Variants in CCSER2 observed in about 807,000 individuals in gnomAD.
The protein encoded by CCSER2 is serine-rich coiled-coil domain-containing protein 2.
CCSER2 carries 46 observed loss-of-function variants against 92.3 expected under a neutral mutation model. The ratio of observed to expected loss-of-function variants is 0.50; its 90% CI spans 0.39 to 0.64. The LOEUF (loss-of-function observed/expected upper bound fraction) is 0.64, where lower values mean the gene tolerates loss of function less well. Among genes scored for constraint, CCSER2 ranks in the 30% least tolerant of loss-of-function variants. The pLI, the probability that CCSER2 is intolerant of heterozygous loss-of-function variation, is 0.00. For missense variants in CCSER2, 1,244 were observed against 1,238.9 expected (o/e 1.00, Z -0.06); for synonymous variants, 433 against 431.4 (o/e 1.00, Z -0.04).
At chr10:84,387,654 G>A (rs1463374756) in intron 3 of CCSER2, among the ~76,000 whole-genome samples, 6 of 151,754 alleles carry the variant, frequency 4.0e-5, no homozygotes, top group African/African-American at 1.2e-4. Context: ...TCAGCCTCCC[G>A]AGTAGCTGGA....
intron 9 of CCSER2, among the ~76,000 whole-genome samples, chr10:84,490,142 A>T (rs1205658027): frequency 6.6e-6 from 1 of 152,044 alleles, no homozygotes; most frequent in African/African-American, 2.4e-5. Flanking sequence ...TTTGTGGGTA[A>T]CCCAGCCTTT....
Position 84,444,391 on chromosome 10 carries a change from A to C in CCSER2, c.2064+5684A>C, listed in dbSNP as rs546261181. On this transcript the variant is annotated intron_variant, in intron 6 of 9. Coordinates refer to ENST00000372088, the MANE Select transcript of CCSER2 (RefSeq NM_001284240.2). The stretch of plus-strand genomic sequence containing the variant: ...TTTAGGAGGCTGTTGCATCCATTCA[A>C]ATTTTAGGCTAAAGTCGTTAAATTT... Among the ~76,000 whole-genome samples, 13 of 152,312 alleles carry C rather than the reference A, an allele frequency of 8.5e-5. No homozygotes were observed. The South Asian group carries it at 1.7e-3, about 19-fold the overall frequency.
intron 6 of CCSER2, among the ~76,000 whole-genome samples, chr10:84,444,798 GC>G (rs1324797731): frequency 1.3e-5 from 2 of 152,054 alleles, no homozygotes; most frequent in African/African-American, 4.8e-5. Context: ...ATTATATTTG[GC>G]CTTTGATCTT....
chr10:84,387,617 C>T (rs1230509967), intron 3 of CCSER2, among the ~76,000 whole-genome samples: 1 of 152,044 alleles, frequency 6.6e-6, no homozygotes, highest in African/African-American at 2.4e-5. Flanking sequence ...TAAGCTCCGC[C>T]TCCTGGGTTC....
chr10:84,423,623 T>C (rs1203722777), intron 4 of CCSER2, among the ~76,000 whole-genome samples: 1 of 152,178 alleles, frequency 6.6e-6, no homozygotes, highest in African/African-American at 2.4e-5. Context: ...TTTTGGACAA[T>C]ATTTCTTGCT....
chr10:84,514,309 C>T lies in CCSER2; in HGVS notation c.*42C>T. 1 of 1,358,518 alleles carries T rather than the reference C, an allele frequency of 7.4e-7. No individual in the cohort carries two copies. The highest frequency in any genetic ancestry group is 1.0e-6 in the Non-Finnish European group (1 of 997,590). The allele number at this position is 1,358,518 out of a possible 1,614,324, so 84.2% of individuals were successfully genotyped here. A position where few individuals can be genotyped will look rare whatever the true frequency, so the allele number is the denominator to read the frequency against. On this transcript the variant is annotated 3_prime_UTR_variant, in exon 10 of 10. Transcript: ENST00000372088. ...TGCCAATTTGTTTCTTAAAAACAAT[C>T]TCTTCTGTAATAGCTTTATGTGCAG... is the stretch of plus-strand genomic sequence containing the variant.
At chr10:84,499,894 C>G in intron 9 of CCSER2, 1 of 1,614,084 alleles carries the variant, frequency 6.2e-7, no homozygotes, top group Non-Finnish European at 8.5e-7. Flanking sequence ...TCTGCTCCCT[C>G]CTTCTCTCCT....
intron 3 of CCSER2, among the ~76,000 whole-genome samples, chr10:84,415,759 G>C (rs929453347): frequency 6.6e-6 from 1 of 152,216 alleles, no homozygotes; most frequent in Admixed American, 6.5e-5. Context: ...GACTGGATCA[G>C]CTGAGTTGAC....
rs530429209 is a variant in CCSER2, at chr10:84,342,327, T to G, written c.-40+13519T>G. On this transcript the variant is annotated intron_variant, in intron 1 of 9. Transcript: ENST00000372088. The stretch of plus-strand genomic sequence containing the variant: ...AGGCAGCCTGGGAATAAAGAATATC[T>G]CTGTCACATATTCCTTATTTTTTAC... Among the ~76,000 whole-genome samples, 15 of 152,316 alleles carry G rather than the reference T, an allele frequency of 9.8e-5. No individual in the cohort carries two copies. In the East Asian group the frequency reaches 2.9e-3, roughly 29 times the overall value.
In CCSER2 at chr10:84,399,512, A is replaced by G. The variant is rs1842007546; in HGVS notation, c.1615-18259A>G. Among the ~76,000 whole-genome samples the G allele has an allele frequency of 4.6e-5, 7 of 152,156 alleles. No individual in the cohort carries two copies. In the South Asian group the frequency reaches 1.4e-3, roughly 31 times the overall value. On this transcript the variant is annotated intron_variant, in intron 3 of 9. Coordinates refer to ENST00000372088, the MANE Select transcript of CCSER2 (RefSeq NM_001284240.2). ...GAACACTGGATTAGAAGTCGGGATGAGTGTTAGTCTGGATTTATTTATTTT... is the reference window on the plus strand; with the variant it reads ...GAACACTGGATTAGAAGTCGGGATGGGTGTTAGTCTGGATTTATTTATTTT...
intron 9 of CCSER2, among the ~76,000 whole-genome samples, chr10:84,513,244 C>G (rs578205495): frequency 6.6e-6 from 1 of 151,900 alleles, no homozygotes; most frequent in Admixed American, 6.6e-5. Flanking sequence ...GTGTTTACTG[C>G]CTGTATCATT....
At chr10:84,438,479 C>G in intron 5 of CCSER2, 33 bp from the exon 6 acceptor site, 1 of 1,192,184 alleles carries the variant, frequency 8.4e-7, no homozygotes, top group Non-Finnish European at 1.2e-6. Flanking sequence ...TATTGTATAT[C>G]TTTTCCCTCC....
chr10:84,447,947 C>G (rs1192072008), intron 6 of CCSER2, among the ~76,000 whole-genome samples: 5 of 152,148 alleles, frequency 3.3e-5, no homozygotes, highest in African/African-American at 4.8e-5. Flanking sequence ...GTATGCCCCA[C>G]CATACCCGGC....
chr10:84,399,374 A>G (rs913502375), intron 3 of CCSER2, among the ~76,000 whole-genome samples: 4 of 152,084 alleles, frequency 2.6e-5, no homozygotes, highest in Non-Finnish European at 5.9e-5. Flanking sequence ...ATTCTTTTTT[A>G]TGGCTGAGTA....
chr10:84,456,622 G>T (rs1845639762), intron 6 of CCSER2, among the ~76,000 whole-genome samples: 2 of 152,262 alleles, frequency 1.3e-5, no homozygotes, highest in Middle Eastern at 3.4e-3. Flanking sequence ...TTGCTGGGTT[G>T]TATGGTAAGT....
chr10:84,343,808 G>A (rs1035156057), intron 1 of CCSER2, among the ~76,000 whole-genome samples: 24 of 152,180 alleles, frequency 1.6e-4, no homozygotes, highest in Admixed American at 1.1e-3. Context: ...TTAAAAGTTT[G>A]CAGGTAACGT....
intron 3 of CCSER2, among the ~76,000 whole-genome samples, chr10:84,409,597 G>A (rs1295103630): frequency 6.7e-6 from 1 of 149,946 alleles, no homozygotes; most frequent in Non-Finnish European, 1.5e-5. Flanking sequence ...TCTTAAACCA[G>A]TTAACTTCTA....
At chr10:84,417,349 A>G (rs1350236924) in intron 3 of CCSER2, among the ~76,000 whole-genome samples, 1 of 152,244 alleles carries the variant, frequency 6.6e-6, no homozygotes, top group Non-Finnish European at 1.5e-5. Flanking sequence ...TGGAATAACC[A>G]CATTGTTAAA....
intron 1 of CCSER2, among the ~76,000 whole-genome samples, chr10:84,359,506 TA>T (rs1249682934): frequency 6.6e-6 from 1 of 152,198 alleles, no homozygotes; most frequent in East Asian, 1.9e-4. Flanking sequence ...ATATCTAAGG[TA>T]AGGCCTTAGA....
Sources: gnomAD v4.1 joint callset for allele counts (sites outside exome capture counted in the v4.1 genomes callset) on GRCh38, gnomAD v4.1.1 for gene constraint, MANE v1.5 for transcripts, NCBI Gene and HGNC (gene_info 2026-07-23, HGNC 2026-07-21) for gene names.